PKHD1: variants seen among roughly 807,000 people sequenced by gnomAD.
The protein encoded by PKHD1 is PKHD1 ciliary IPT domain containing fibrocystin/polyductin, also known as fibrocystin.
PKHD1 carries 291 observed loss-of-function variants against 412.0 expected under a neutral mutation model. That is an observed-to-expected ratio of 0.71 (90% CI 0.64 to 0.78). The LOEUF (loss-of-function observed/expected upper bound fraction) is 0.78, where lower values mean the gene tolerates loss of function less well. Among genes scored for constraint, PKHD1 ranks in the 30% least tolerant of loss-of-function variants. PKHD1 has a pLI of 0.00. For missense variants in PKHD1, 4,825 were observed against 4,950.7 expected (o/e 0.97, Z 0.76); for synonymous variants, 1,777 against 1,821.5 (o/e 0.98, Z 0.62).
At chr6:51,684,126 A>G (rs1777099529) in intron 60 of PKHD1, among the ~76,000 whole-genome samples, 1 of 152,104 alleles carries the variant, frequency 6.6e-6, no homozygotes, top group Non-Finnish European at 1.5e-5. Flanking sequence ...TAATTATCAT[A>G]GCAAACTGAG....
chr6:51,678,770 G>A (rs187848806), intron 60 of PKHD1, among the ~76,000 whole-genome samples: 16 of 151,646 alleles, frequency 1.1e-4, no homozygotes, highest in African/African-American at 3.4e-4. Flanking sequence ...TATAATATTC[G>A]CCATCATCAC....
chr6:52,038,641 T>C (rs1299361274), intron 27 of PKHD1, among the ~76,000 whole-genome samples: 2 of 152,102 alleles, frequency 1.3e-5, no homozygotes, highest in Admixed American at 1.3e-4. Context: ...ACAATAAATT[T>C]TTGTTGTTTA....
At chr6:51,859,202 T>C (rs780026198) in intron 48 of PKHD1, among the ~76,000 whole-genome samples, 4 of 152,092 alleles carry the variant, frequency 2.6e-5, no homozygotes, top group Non-Finnish European at 4.4e-5. Context: ...GCCTCACCTA[T>C]CTTCTCATGC....
At chr6:52,047,619 C>T (rs181354203) in intron 23 of PKHD1, among the ~76,000 whole-genome samples, 35 of 152,272 alleles carry the variant, frequency 2.3e-4, no homozygotes, top group Admixed American at 1.0e-3. Context: ...CACTGAAATC[C>T]TCCATAGTAC....
At chr6:52,043,530 T>C (rs1298757564) in intron 26 of PKHD1, 95 bp downstream of exon 26, 2 of 864,420 alleles carry the variant, frequency 2.3e-6, no homozygotes, top group East Asian at 2.5e-5. Flanking sequence ...AACTAATTTA[T>C]CTTCTACCCA....
chr6:52,057,775 A>G (rs898958746), intron 16 of PKHD1, among the ~76,000 whole-genome samples: 16 of 146,700 alleles, frequency 1.1e-4, no homozygotes, highest in Non-Finnish European at 2.2e-4. Flanking sequence ...ATTTGTGCAC[A>G]TGTTTTACTT....
At chr6:52,016,925 G>A (rs1276487137) in intron 34 of PKHD1, among the ~76,000 whole-genome samples, 1 of 152,084 alleles carries the variant, frequency 6.6e-6, no homozygotes, top group Admixed American at 6.5e-5. Context: ...TACGCTTATG[G>A]CTTCTAAATC....
chr6:52,060,590 A>AT (rs1243128439), intron 14 of PKHD1, among the ~76,000 whole-genome samples: 2 of 152,170 alleles, frequency 1.3e-5, no homozygotes, highest in Non-Finnish European at 2.9e-5. Context: ...TTCATAAAAC[A>AT]TTTTTTAAAA....
intron 11 of PKHD1, among the ~76,000 whole-genome samples, chr6:52,067,262 T>C (rs865856513): frequency 4.6e-5 from 7 of 152,218 alleles, no homozygotes; most frequent in Admixed American, 1.3e-4. Flanking sequence ...ATTTTATAAT[T>C]TCTTTTTTTT....
chr6:51,748,094 G>C lies in PKHD1; in HGVS notation c.9522C>G (p.Asp3174Glu). The change falls in exon 58 of 67, where the codon GAC (aspartate) becomes GAG (glutamate). Residue 3174 changes from aspartate to glutamate, a missense_variant. Physicochemically the swap from Asp to Glu is conservative, Grantham distance 45. Transcript: ENST00000371117. ...CTACTGCCAAAAGACCAATAGTATT[G>C]TCTACCAGAGTAATGTTCTCTATCT... ...SVEIENITLVDNTIGLLAVVY... is the reference protein window; with the variant it reads ...SVEIENITLVENTIGLLAVVY... 1 of 1,613,790 alleles carries C rather than the reference G, an allele frequency of 6.2e-7. No individual in the cohort carries two copies. Among genetic ancestry groups the C allele is most frequent in the Non-Finnish European group, 8.5e-7 (1 of 1,179,698 alleles).
chr6:51,706,623 C>T (rs2150735927), intron 60 of PKHD1, among the ~76,000 whole-genome samples: 1 of 152,170 alleles, frequency 6.6e-6, no homozygotes, highest in Non-Finnish European at 1.5e-5. Context: ...ACTGATACTC[C>T]ACTTCCATCC....
intron 36 of PKHD1, among the ~76,000 whole-genome samples, chr6:51,944,192 G>A (rs1206182185): frequency 6.6e-6 from 1 of 152,020 alleles, no homozygotes; most frequent in Non-Finnish European, 1.5e-5. Flanking sequence ...TCCTTCTCCT[G>A]GCTCATCCTG....
intron 55 of PKHD1, among the ~76,000 whole-genome samples, chr6:51,770,467 G>A (rs1015423977): frequency 7.6e-6 from 1 of 132,208 alleles, no homozygotes; most frequent in Non-Finnish European, 1.7e-5. Context: ...TTTTCCTCTG[G>A]TAAAAAAGTT....
chr6:51,713,320 A>C (rs571098268), intron 60 of PKHD1, among the ~76,000 whole-genome samples: 122 of 152,284 alleles, frequency 8.0e-4, no homozygotes, highest in Non-Finnish European at 1.5e-3. Context: ...GCAATCTCAA[A>C]TCCTTTTGAA....
chr6:51,989,642 C>A (rs558431831), intron 35 of PKHD1, among the ~76,000 whole-genome samples: 1 of 152,066 alleles, frequency 6.6e-6, no homozygotes, highest in African/African-American at 2.4e-5. Flanking sequence ...TATTATTTTT[C>A]ACTCGAGTCA....
chr6:51,822,627 T>A (rs1476076943), intron 52 of PKHD1, among the ~76,000 whole-genome samples: 4 of 152,140 alleles, frequency 2.6e-5, no homozygotes, highest in Non-Finnish European at 5.9e-5. Flanking sequence ...GCAATCCAGA[T>A]TCTCAATTGG....
chr6:51,709,916 TA>T (rs1407018577), intron 60 of PKHD1, among the ~76,000 whole-genome samples: 1 of 151,416 alleles, frequency 6.6e-6, no homozygotes, highest in Non-Finnish European at 1.5e-5. Flanking sequence ...AGGACTGATT[TA>T]AAAGGAATTG....
intron 20 of PKHD1, 96 bp downstream of exon 20, chr6:52,053,942 T>C: frequency 7.7e-7 from 1 of 1,294,488 alleles, no homozygotes; most frequent in South Asian, 1.2e-5. Flanking sequence ...GGCCCAAATA[T>C]AAGACCATTA....
At chr6:51,707,724 GA>G (rs1272487878) in intron 60 of PKHD1, among the ~76,000 whole-genome samples, 2 of 152,062 alleles carry the variant, frequency 1.3e-5, no homozygotes, top group African/African-American at 4.8e-5. Flanking sequence ...CTTGTATCAA[GA>G]TTATCAATAA....
Sources: gnomAD v4.1 joint callset for allele counts (sites outside exome capture counted in the v4.1 genomes callset) on GRCh38, gnomAD v4.1.1 for gene constraint, MANE v1.5 for transcripts, NCBI Gene and HGNC (gene_info 2026-07-23, HGNC 2026-07-21) for gene names.